The following AOPEP variants were observed in gnomAD, a reference collection of about 807,000 sequenced individuals.
The protein encoded by AOPEP is aminopeptidase O.
AOPEP carries 77 observed loss-of-function variants against 98.1 expected under a neutral mutation model. The observed-to-expected ratio is 0.78, with a 90% CI of 0.65 to 0.95. AOPEP has a LOEUF of 0.95. Ranked by LOEUF, AOPEP falls within the 40% of genes least tolerant of loss-of-function variation. AOPEP has a pLI of 0.00. For missense variants in AOPEP, 1,024 were observed against 1,024.7 expected, an observed-to-expected ratio of 1.00 and a Z score of 0.01; for synonymous variants, 346 against 365.3, an observed-to-expected ratio of 0.95 and a Z score of 0.60.
At chr9:95,114,868 A>G in the AOPEP span, among the ~76,000 whole-genome samples, 1 of 152,192 alleles carries the variant, frequency 6.6e-6, no homozygotes, top group African/African-American at 2.4e-5. Context: ...GCCAGTACCT[A>G]TCTCTTAAGC....
intron 5 of AOPEP, among the ~76,000 whole-genome samples, chr9:94,851,778 T>C (rs2043581110): frequency 6.7e-6 from 1 of 148,488 alleles, no homozygotes; most frequent in African/African-American, 2.5e-5. Context: ...TCATACTAGA[T>C]ACTGCAACTC....
At chr9:95,047,852 C>T (rs898231243) in intron 13 of AOPEP, among the ~76,000 whole-genome samples, 2 of 152,162 alleles carry the variant, frequency 1.3e-5, no homozygotes, top group African/African-American at 2.4e-5. Context: ...GCTGTCCTTG[C>T]ATACAGAAAA....
chr9:95,013,215 T>C, intron 13 of AOPEP, among the ~76,000 whole-genome samples: 1 of 152,124 alleles, frequency 6.6e-6, no homozygotes, highest in Non-Finnish European at 1.5e-5. Context: ...CTTAGTTTTA[T>C]GATTTTTTAA....
chr9:94,826,693 GATA>G (rs940046510), intron 5 of AOPEP, among the ~76,000 whole-genome samples: 105 of 152,316 alleles, frequency 6.9e-4, no homozygotes, highest in African/African-American at 2.5e-3. Context: ...GATGTCATGT[GATA>G]ATAATGATGG....
chr9:94,954,816 A>G (rs1002179210), intron 7 of AOPEP, among the ~76,000 whole-genome samples: 1 of 152,192 alleles, frequency 6.6e-6, no homozygotes, highest in African/African-American at 2.4e-5. Flanking sequence ...AAAGAGATAT[A>G]AGTTCTTTAC....
chr9:95,117,354 A>C, the AOPEP span: 1 of 1,614,080 alleles, frequency 6.2e-7, no homozygotes, highest in Non-Finnish European at 8.5e-7. Flanking sequence ...AGAGATGGAG[A>C]AGTGTAAGGA....
At chr9:94,895,471 C>A (rs892365059) in intron 5 of AOPEP, among the ~76,000 whole-genome samples, 1 of 149,988 alleles carries the variant, frequency 6.7e-6, no homozygotes, top group African/African-American at 2.5e-5. Context: ...AAAGAAAATT[C>A]TATTTAAAGT....
chr9:94,784,487 C>T (rs1414611833), intron 3 of AOPEP, among the ~76,000 whole-genome samples: 1 of 152,128 alleles, frequency 6.6e-6, no homozygotes, highest in East Asian at 1.9e-4. Context: ...ATTATTCTTC[C>T]TCCTGTGGAA....
intron 5 of AOPEP, among the ~76,000 whole-genome samples, chr9:94,878,012 G>A (rs545194177): frequency 1.6e-3 from 250 of 152,158 alleles, no homozygotes; most frequent in Non-Finnish European, 3.0e-3. Context: ...ACATGGAGAG[G>A]CATCAATGGA....
intron 13 of AOPEP, among the ~76,000 whole-genome samples, chr9:95,050,427 CTG>C (rs2066241747): frequency 1.3e-5 from 2 of 152,170 alleles, no homozygotes; most frequent in Admixed American, 6.5e-5. Context: ...AGTGTGTAAA[CTG>C]TGTGGACGAG....
rs1837988984 is a variant in AOPEP at position 94,760,458 on chromosome 9, G to A, written c.675G>A (p.Trp225Ter). Residue 225 changes from tryptophan (W) to a stop codon, truncating the protein, a stop_gained, in exon 2 of 17, where the codon TGG (tryptophan) becomes TGA (stop). Transcript: ENST00000375315. LOFTEE classifies it high-confidence loss of function. ...AACTCCTCTTTGACACTGACACTTGGAGCTTGCAGATAAGGAAGACAGGGG... is the reference window on the plus strand; with the variant it reads ...AACTCCTCTTTGACACTGACACTTGAAGCTTGCAGATAAGGAAGACAGGGG... ...CGELLFDTDT[W>*]SLQIRKTGAQ... is the part of the protein sequence containing the mutation. The A allele has an allele frequency of 6.2e-7, 1 of 1,613,568 alleles. No individual in the cohort carries two copies.
chr9:94,897,171 T>G (rs1287066061), intron 5 of AOPEP, among the ~76,000 whole-genome samples: 1 of 152,094 alleles, frequency 6.6e-6, no homozygotes, highest in Non-Finnish European at 1.5e-5. Flanking sequence ...TATATTTCTA[T>G]CTAAAACATG....
At chr9:95,016,385 A>C (rs1411647468) in intron 13 of AOPEP, among the ~76,000 whole-genome samples, 3 of 151,510 alleles carry the variant, frequency 2.0e-5, no homozygotes, top group Non-Finnish European at 1.5e-5. Context: ...CTGAGATTAC[A>C]GGCACCCACC....
At position 94,933,510 on chromosome 9, in the gene AOPEP, T is replaced by G. The variant is rs898920353; in HGVS notation, c.1661+4979T>G. ...AGTCTATGGAACTCTTAATCTTAGCTGCTGCCTCCACTTTGATACAATGCT... is the reference window on the plus strand; with the variant it reads ...AGTCTATGGAACTCTTAATCTTAGCGGCTGCCTCCACTTTGATACAATGCT... On this transcript the variant is annotated intron_variant, in intron 7 of 16. Transcript: ENST00000375315. The G allele has an allele frequency of 4.1e-6, 4 of 985,316 alleles. No individual in the cohort carries two copies. In the Admixed American group the frequency reaches 1.8e-4, roughly 45 times the overall value. 61.0% of individuals were successfully genotyped at this position (985,316 alleles called of 1,614,324 possible). A position where few individuals can be genotyped will look rare whatever the true frequency, so the allele number is the denominator to read the frequency against.
At chr9:94,906,483 A>AATAATAATAATAATAATAATAATAATAAT (rs138384769) in intron 5 of AOPEP, among the ~76,000 whole-genome samples, 14 of 145,712 alleles carry the variant, frequency 9.6e-5, no homozygotes, top group Non-Finnish European at 1.8e-4. Context: ...TAATAATAAT[A>AATAATAATAATAATAATAATAATAATAAT]AAAAAACAGA....
chr9:94,744,428 C>T (rs767815395), intron 1 of AOPEP, among the ~76,000 whole-genome samples: 20 of 151,478 alleles, frequency 1.3e-4, no homozygotes, highest in Non-Finnish European at 2.5e-4. Context: ...GGGCTGGTTG[C>T]GGTGGCTCAT....
chr9:94,735,947 G>A (rs574341866), intron 1 of AOPEP, among the ~76,000 whole-genome samples: 139 of 152,210 alleles, frequency 9.1e-4, no homozygotes, highest in South Asian at 5.0e-3. Flanking sequence ...CTTCTTTCAC[G>A]TCTCACGGTG....
chr9:94,792,727 T>C (rs1323529585), intron 3 of AOPEP, 38 bp from the exon 4 acceptor site: 2 of 1,546,204 alleles, frequency 1.3e-6, no homozygotes, highest in African/African-American at 2.7e-5. Flanking sequence ...CAGGATCATA[T>C]ATTGGCCTCA....
downstream of AOPEP, among the ~76,000 whole-genome samples, chr9:95,087,653 G>A (rs1392802797): frequency 2.6e-5 from 4 of 152,124 alleles, no homozygotes; most frequent in Non-Finnish European, 4.4e-5. Flanking sequence ...ACCCTCTTCC[G>A]ATAAAATGGA....
Sources: allele counts gnomAD v4.1 joint callset (sites outside exome capture counted in the v4.1 genomes callset), GRCh38; gene constraint gnomAD v4.1.1; transcripts MANE v1.5; gene names NCBI Gene and HGNC (gene_info 2026-07-23, HGNC 2026-07-21).